The following CCDC171 variants were observed in gnomAD, a reference collection of about 807,000 sequenced individuals.
The protein encoded by CCDC171 is coiled-coil domain-containing protein 171.
Under a neutral mutation model 168.2 loss-of-function variants are expected in CCDC171, and 177 were observed. The ratio of observed to expected loss-of-function variants is 1.05; its 90% CI spans 0.93 to 1.19. CCDC171 has a LOEUF of 1.19. Among genes scored for constraint, CCDC171 ranks in the 50% most tolerant of loss-of-function variants. The pLI is 0.00. For synonymous variants in CCDC171, 687 were observed against 540.8 expected (o/e 1.27, Z -3.75); for missense variants, 1,991 against 1,539.0 (o/e 1.29, Z -4.91).
chr9:16,101,838 C>T, the CCDC171 span, among the ~76,000 whole-genome samples: 2 of 152,304 alleles, frequency 1.3e-5, no homozygotes, highest in Admixed American at 6.5e-5. Flanking sequence ...GTTCTGCCAA[C>T]AACCTGAGAG....
chr9:15,953,497 G>A (rs539310597), intron 25 of CCDC171, among the ~76,000 whole-genome samples: 1 of 152,262 alleles, frequency 6.6e-6, no homozygotes, highest in Admixed American at 6.5e-5. Context: ...GCTTTTGTAT[G>A]TTGAGCTCTC....
intron 21 of CCDC171, among the ~76,000 whole-genome samples, chr9:15,836,755 G>T (rs532679012): frequency 6.6e-6 from 1 of 152,144 alleles, no homozygotes; most frequent in East Asian, 1.9e-4. Context: ...CAAGTAACTT[G>T]ACCATTCCTG....
At chr9:15,903,391 CA>C (rs1285501306) in intron 24 of CCDC171, among the ~76,000 whole-genome samples, 10 of 152,278 alleles carry the variant, frequency 6.6e-5, no homozygotes, top group Admixed American at 4.6e-4. Flanking sequence ...CGCTGTTCTG[CA>C]GCCTCCACTG....
intron 1 of CCDC171, among the ~76,000 whole-genome samples, chr9:15,562,700 A>G (rs1173088104): frequency 6.6e-6 from 1 of 152,146 alleles, no homozygotes; most frequent in African/African-American, 2.4e-5. Context: ...ACCTCTGCAT[A>G]TGTGTATTTA....
At chr9:15,632,503 T>C (rs2045808575) in intron 7 of CCDC171, among the ~76,000 whole-genome samples, 1 of 152,084 alleles carries the variant, frequency 6.6e-6, no homozygotes, top group Non-Finnish European at 1.5e-5. Flanking sequence ...TACAAACCAC[T>C]GCTCAACAAA....
chr9:15,817,489 C>T (rs1457289310), intron 21 of CCDC171, among the ~76,000 whole-genome samples: 1 of 118,218 alleles, frequency 8.5e-6, no homozygotes, highest in African/African-American at 3.2e-5. Flanking sequence ...TTGGGTCACT[C>T]CCACCCTAAT....
intron 18 of CCDC171, among the ~76,000 whole-genome samples, chr9:15,749,661 A>G (rs947272026): frequency 1.3e-5 from 2 of 152,244 alleles, no homozygotes; most frequent in Non-Finnish European, 2.9e-5. Context: ...ACTCAGGATT[A>G]AGAAACTCAC....
chr9:16,008,165 C>G (rs1832760775), intron 3 of CCDC171, among the ~76,000 whole-genome samples: 1 of 152,072 alleles, frequency 6.6e-6, no homozygotes, highest in Non-Finnish European at 1.5e-5. Flanking sequence ...TCAGAGGACT[C>G]AAAAATTTAT....
intron 21 of CCDC171, among the ~76,000 whole-genome samples, chr9:15,785,178 G>A (rs1348895208): frequency 6.6e-6 from 1 of 151,964 alleles, no homozygotes; most frequent in Non-Finnish European, 1.5e-5. Context: ...TGTGGTAAAG[G>A]TATTTCAAAG....
At chr9:15,927,147 G>GT (rs908488599) in intron 25 of CCDC171, among the ~76,000 whole-genome samples, 13 of 151,536 alleles carry the variant, frequency 8.6e-5, no homozygotes, top group African/African-American at 3.1e-4. Context: ...AACATTTTCA[G>GT]TTTTTTTAGC....
chr9:15,718,490 G>A (rs931917548), intron 11 of CCDC171, among the ~76,000 whole-genome samples: 19 of 152,312 alleles, frequency 1.2e-4, no homozygotes, highest in Non-Finnish European at 1.6e-4. Context: ...ATAGGCAGTC[G>A]CCAGTTAATG....
intron 24 of CCDC171, 146 bp downstream of exon 24, chr9:15,874,809 C>T: frequency 1.3e-6 from 1 of 741,034 alleles, no homozygotes; most frequent in South Asian, 4.3e-5. Flanking sequence ...TATCATGTAA[C>T]AGTATACTTT....
the CCDC171 span, among the ~76,000 whole-genome samples, chr9:16,098,247 A>G: frequency 6.6e-6 from 1 of 152,160 alleles, no homozygotes; most frequent in Non-Finnish European, 1.5e-5. Flanking sequence ...TTACAGGGTC[A>G]TTTTGAAGAG....
chr9:15,655,637 A>G (rs1407653837), intron 7 of CCDC171, among the ~76,000 whole-genome samples: 1 of 152,226 alleles, frequency 6.6e-6, no homozygotes, highest in Non-Finnish European at 1.5e-5. Context: ...AGACTGGGAG[A>G]AAACATTTGC....
At chr9:16,033,603 C>A (rs939673490) in intron 6 of CCDC171, among the ~76,000 whole-genome samples, 1 of 152,174 alleles carries the variant, frequency 6.6e-6, no homozygotes, top group African/African-American at 2.4e-5. Flanking sequence ...ATAATTATTT[C>A]ATTATATATT....
intron 3 of CCDC171, among the ~76,000 whole-genome samples, chr9:15,991,607 C>A (rs1166163813): frequency 6.6e-6 from 1 of 152,066 alleles, no homozygotes. Flanking sequence ...GATACAGACA[C>A]AAAAATCCCT....
downstream of CCDC171, among the ~76,000 whole-genome samples, chr9:15,978,007 ATTTTCT>A (rs59460723): frequency 0.078 from 11,796 of 152,090 alleles, 1,482 homozygotes; most frequent in African/African-American, 0.27. Context: ...ACCAAAATAC[ATTTTCT>A]TTTTCTAAGT....
intron 25 of CCDC171, among the ~76,000 whole-genome samples, chr9:15,944,144 G>A (rs1183777818): frequency 6.6e-6 from 1 of 151,866 alleles, no homozygotes; most frequent in Non-Finnish European, 1.5e-5. Context: ...TGTGATAAAC[G>A]TGATATTTGT....
At chr9:15,614,944 A>G (rs1434053093) in intron 6 of CCDC171, among the ~76,000 whole-genome samples, 6 of 152,202 alleles carry the variant, frequency 3.9e-5, no homozygotes, top group Non-Finnish European at 8.8e-5. Context: ...GCTGGCCCAT[A>G]TTGTTTTACC....
Sources: gnomAD v4.1 joint callset for allele counts (sites outside exome capture counted in the v4.1 genomes callset) on GRCh38, gnomAD v4.1.1 for gene constraint, MANE v1.5 for transcripts, NCBI Gene and HGNC (gene_info 2026-07-23, HGNC 2026-07-21) for gene names.